The following IMPG2 variants were observed in gnomAD, a reference collection of about 807,000 sequenced individuals.
The protein encoded by IMPG2 is interphotoreceptor matrix proteoglycan 2.
In IMPG2, 91 loss-of-function variants were observed where a neutral mutation model predicts 129.2. The ratio of observed to expected loss-of-function variants is 0.70; its 90% CI spans 0.59 to 0.84. The LOEUF is 0.84. Among genes scored for constraint, IMPG2 ranks in the 40% least tolerant of loss-of-function variants. The probability of loss-of-function intolerance (pLI) is 0.00; values close to 1 mark genes in which losing one functional copy is unlikely to be tolerated. For synonymous variants in IMPG2, 510 were observed against 517.7 expected (o/e 0.99, Z 0.20); for missense variants, 1,430 against 1,461.7 (o/e 0.98, Z 0.35).
chr3:101,301,656 G>T (rs1341246565), intron 3 of IMPG2, among the ~76,000 whole-genome samples: 1 of 152,174 alleles, frequency 6.6e-6, no homozygotes, highest in African/African-American at 2.4e-5. Context: ...AAACTGGAAG[G>T]CTTCTTGGGC....
At position 101,242,875 on chromosome 3, in the gene IMPG2, C is replaced by T. The variant is rs747933808; in HGVS notation, c.2835G>A (p.Gly945=). 1.2e-6 allele frequency: 2 copies of T among 1,613,886 alleles called. No homozygotes were observed. Among genetic ancestry groups the T allele is most frequent in the East Asian group, 4.5e-5 (2 of 44,880 alleles). ...AGTTGAGGATTTCTAAGTTCTGGAA[C>T]CCCGTGAGATTTGACTGGAGATAGG... ...LVPYLQSNLT[G]FQNLEILNFR... The change falls in exon 14 of 19, where the codon GGG becomes GGA. Residue 945 remains glycine, a synonymous_variant. Transcript: ENST00000193391.
At chr3:101,253,614 T>G (rs1359333167) in intron 11 of IMPG2, 82 bp downstream of exon 11, 3 of 935,798 alleles carry the variant, frequency 3.2e-6, no homozygotes, top group Non-Finnish European at 5.2e-6. Context: ...CTTGGGAAAT[T>G]TATAATGCCA....
In IMPG2 at chr3:101,226,732, T is replaced by A. The variant is rs1260082469; in HGVS notation, c.*237A>T. 2 of 514,376 alleles carry A rather than the reference T, an allele frequency of 3.9e-6. No homozygotes were observed. The highest frequency in any genetic ancestry group is 6.9e-6 in the Non-Finnish European group (2 of 291,442). The allele number at this position is 514,376 out of a possible 1,614,324, so 31.9% of individuals were successfully genotyped here. On this transcript the variant is annotated 3_prime_UTR_variant, in exon 19 of 19. Transcript: ENST00000193391. Reference sequence around the variant, plus strand: ...TATAGAATACTTTCCAGAGTTTACGTAGTTTTCAATTTATTTAAACACAGC... The same window carrying A: ...TATAGAATACTTTCCAGAGTTTACGAAGTTTTCAATTTATTTAAACACAGC...
intron 4 of IMPG2, among the ~76,000 whole-genome samples, chr3:101,280,299 C>A (rs1373970171): frequency 2.6e-5 from 4 of 152,152 alleles, no homozygotes; most frequent in Non-Finnish European, 5.9e-5. Context: ...TTCCTGCTCC[C>A]CTTGATATCT....
intron 2 of IMPG2, among the ~76,000 whole-genome samples, chr3:101,317,487 G>A (rs1373874640): frequency 6.6e-6 from 1 of 151,990 alleles, no homozygotes; most frequent in Non-Finnish European, 1.5e-5. Context: ...ATCCTTAATT[G>A]GATATTGAAT....
At chr3:101,303,481 T>C (rs758642335) in intron 3 of IMPG2, among the ~76,000 whole-genome samples, 1 of 152,212 alleles carries the variant, frequency 6.6e-6, no homozygotes, top group East Asian at 1.9e-4. Flanking sequence ...AGGAACTGAA[T>C]AGATGGACAG....
At chr3:101,319,475 T>G in intron 2 of IMPG2, 109 bp downstream of exon 2, 1 of 1,323,828 alleles carries the variant, frequency 7.6e-7, no homozygotes, top group South Asian at 1.2e-5. Flanking sequence ...TAGTTTTGGC[T>G]CAGTCCTGTC....
At chr3:101,273,888 T>C (rs1706813943) in intron 6 of IMPG2, 146 bp from the exon 7 acceptor site, 2 of 824,086 alleles carry the variant, frequency 2.4e-6, no homozygotes, top group Non-Finnish European at 3.9e-6. Flanking sequence ...TTGGAACAAA[T>C]TGGGTAGACT....
chr3:101,291,066 T>C (rs1707004761), intron 4 of IMPG2, among the ~76,000 whole-genome samples: 1 of 152,198 alleles, frequency 6.6e-6, no homozygotes, highest in African/African-American at 2.4e-5. Flanking sequence ...GCTATTCCTA[T>C]GTTTCAAGAA....
At chr3:101,287,012 G>A (rs545886585) in intron 4 of IMPG2, among the ~76,000 whole-genome samples, 1 of 152,094 alleles carries the variant, frequency 6.6e-6, no homozygotes, top group Non-Finnish European at 1.5e-5. Context: ...GATACATTAT[G>A]CAAGAAATAA....
At chr3:101,311,393 T>C (rs940064474) in intron 2 of IMPG2, among the ~76,000 whole-genome samples, 4 of 152,040 alleles carry the variant, frequency 2.6e-5, no homozygotes, top group African/African-American at 4.8e-5. Context: ...AAAACTGATA[T>C]ACAAAAATCA....
intron 4 of IMPG2, among the ~76,000 whole-genome samples, chr3:101,284,107 G>A (rs377735701): frequency 2.4e-4 from 36 of 152,224 alleles, no homozygotes; most frequent in East Asian, 9.6e-4. Context: ...TGGGAGAAAC[G>A]GAAATATAAA....
chr3:101,227,415 C>T (rs1706236608), intron 18 of IMPG2, among the ~76,000 whole-genome samples: 1 of 152,182 alleles, frequency 6.6e-6, no homozygotes, highest in East Asian at 1.9e-4. Context: ...TAATGTTAGA[C>T]AGTGCACCAG....
intron 2 of IMPG2, among the ~76,000 whole-genome samples, chr3:101,318,528 T>C (rs1291002445): frequency 6.6e-6 from 1 of 152,152 alleles, no homozygotes; most frequent in South Asian, 2.1e-4. Flanking sequence ...ATTGTGTTTT[T>C]AAAACTTTGA....
intron 17 of IMPG2, 79 bp downstream of exon 17, chr3:101,229,301 C>CCCCCCCCCCCCCCCCCCCGGGG: frequency 1.2e-6 from 1 of 840,994 alleles, no homozygotes; most frequent in Non-Finnish European, 2.0e-6. Flanking sequence ...CTCATACACA[C>CCCCCCCCCCCCCCCCCCCGGGG]CCCCACCCAC....
chr3:101,268,006 T>G (rs1706739964), intron 8 of IMPG2, among the ~76,000 whole-genome samples: 1 of 152,170 alleles, frequency 6.6e-6, no homozygotes, highest in Non-Finnish European at 1.5e-5. Flanking sequence ...GATGCTTAAA[T>G]AGAACTTTCC....
Position 101,319,739 on chromosome 3 carries a change from G to A in IMPG2, c.179C>T (p.Thr60Ile). The A allele has an allele frequency of 1.2e-6, 2 of 1,613,612 alleles. No homozygotes were observed. The highest frequency in any genetic ancestry group is 1.7e-6 in the Non-Finnish European group (2 of 1,179,814). The change falls in exon 2 of 19, where the codon ACC becomes ATC. Residue 60 changes from threonine (T) to isoleucine (I), a missense_variant. By Grantham distance (89) the Thr-to-Ile change is moderately conservative. Coordinates refer to ENST00000193391, the MANE Select transcript of IMPG2 (RefSeq NM_016247.4). ...GCGGTCCAGAGGCTGTTTCTTTTTG[G>A]TAGCTAGAGAAAGGTCTGTTGATTC... ...PEESTDLSLA[T>I]KKKQPLDRRE...
intron 14 of IMPG2, among the ~76,000 whole-genome samples, chr3:101,233,393 A>G (rs999484548): frequency 1.3e-5 from 2 of 152,056 alleles, no homozygotes; most frequent in African/African-American, 2.4e-5. Flanking sequence ...GTTGACCTCC[A>G]CTCTACATAC....
rs1319265273 is a variant in IMPG2, at chr3:101,231,020, A to G, written c.3359T>C (p.Ile1120Thr). 2 of 1,614,124 alleles carry G rather than the reference A, an allele frequency of 1.2e-6. No individual in the cohort carries two copies. Among genetic ancestry groups the G allele is most frequent in the Non-Finnish European group, 1.7e-6 (2 of 1,179,966 alleles). ...VGLLVIFSAI[I>T]YFFIRTLQAH... is the part of the protein sequence containing the mutation. The stretch of plus-strand genomic sequence containing the variant: ...TTGGAGAGTCCTGATGAAGAAGTAG[A>G]TGATAGCAGAAAAGATGACAAGAAG... The change falls in exon 16 of 19, where the codon ATC becomes ACC. Residue 1120 changes from isoleucine (I) to threonine (T), a missense_variant. Transcript: ENST00000193391.
Sources: allele counts gnomAD v4.1 joint callset (sites outside exome capture counted in the v4.1 genomes callset), GRCh38; gene constraint gnomAD v4.1.1; transcripts MANE v1.5; gene names NCBI Gene and HGNC (gene_info 2026-07-23, HGNC 2026-07-21).